ATXN10: variants seen among roughly 807,000 people sequenced by gnomAD.
ATXN10 encodes ataxin-10.
Under a neutral mutation model 52.9 loss-of-function variants are expected in ATXN10, and 28 were observed. That is an observed-to-expected ratio of 0.53 (90% CI 0.39 to 0.73). The LOEUF is 0.73. Among genes scored for constraint, ATXN10 ranks in the 30% least tolerant of loss-of-function variants. The pLI, the probability that ATXN10 is intolerant of heterozygous loss-of-function variation, is 0.00. For synonymous variants in ATXN10, 226 were observed against 221.5 expected (o/e 1.02, Z -0.18); for missense variants, 565 against 577.0 (o/e 0.98, Z 0.21).
intron 10 of ATXN10, among the ~76,000 whole-genome samples, chr22:45,831,710 T>A (rs2146910418): frequency 6.6e-6 from 1 of 152,364 alleles, no homozygotes; most frequent in East Asian, 1.9e-4. Context: ...AGCAATGCAA[T>A]TTGAACCTCA....
chr22:45,695,571 C>T (rs1414029503), intron 3 of ATXN10, among the ~76,000 whole-genome samples: 1 of 149,534 alleles, frequency 6.7e-6, no homozygotes, highest in African/African-American at 2.5e-5. Flanking sequence ...CTCGCTGCAA[C>T]CACCGCCTTC....
In ATXN10 at chr22:45,843,682, T is replaced by C; in HGVS notation, c.*11T>C. The C allele has an allele frequency of 6.2e-7, 1 of 1,611,332 alleles. No individual in the cohort carries two copies. The highest frequency in any genetic ancestry group is 2.2e-5 in the East Asian group (1 of 44,820). On this transcript the variant is annotated 3_prime_UTR_variant, in exon 12 of 12. Transcript: ENST00000252934. This position sits in a 1 kb window ranked among gnomAD's most constrained non-coding sequence, Gnocchi z 4.5. ...CTTCTTCTTTAGTGAATGAACTACA[T>C]CCAAATACCTGAATTTTTGGAATCT...
chr22:45,836,917 G>A (rs1929185524), intron 10 of ATXN10, among the ~76,000 whole-genome samples: 1 of 152,150 alleles, frequency 6.6e-6, no homozygotes, highest in Non-Finnish European at 1.5e-5. Flanking sequence ...GTAGAAGCCT[G>A]GGTGGAGGAG....
In ATXN10 at chr22:45,791,725, A is replaced by T. The variant is rs149601288; in HGVS notation, c.1174-15234A>T. On this transcript the variant is annotated intron_variant, in intron 9 of 11. Coordinates refer to ENST00000252934, the MANE Select transcript of ATXN10 (RefSeq NM_013236.4). ...GGAAGGGGATCTATTTTCATAAGTT[A>T]AAAAGGCCTTTAATTTCTTTACAGT... Among the ~76,000 whole-genome samples the T allele has an allele frequency of 1.0e-3, 154 of 152,306 alleles. 1 individual carries two copies. The highest frequency in any genetic ancestry group is 1.4e-3 in the Non-Finnish European group (98 of 68,018).
chr22:45,735,812 CTTTTTT>C (rs746222703), intron 7 of ATXN10, among the ~76,000 whole-genome samples: 1,444 of 65,926 alleles, frequency 0.022, 19 homozygotes, highest in African/African-American at 0.07. Flanking sequence ...ATTTGCTTGT[CTTTTTT>C]TTTTTTTTTT....
rs1004579466 is a variant in ATXN10, at chr22:45,825,190, G to A, written c.1238-17801G>A. Among the ~76,000 whole-genome samples, 15 of 152,180 alleles carry A rather than the reference G, an allele frequency of 9.9e-5. No homozygotes were observed. The highest frequency in any genetic ancestry group is 2.1e-4 in the Non-Finnish European group (14 of 68,036). On this transcript the variant is annotated intron_variant, in intron 10 of 11. Coordinates refer to ENST00000252934, the MANE Select transcript of ATXN10 (RefSeq NM_013236.4). The surrounding 1 kb of genome is among the most constrained non-coding windows in gnomAD (Gnocchi z 4.5). ...GCTCTGATTACTGATTTCAGCTTTT[G>A]ATCACAGAGGTACAGACAAAGGAGT...
At chr22:45,714,257 A>AT (rs528253635) in intron 5 of ATXN10, among the ~76,000 whole-genome samples, 28 of 150,824 alleles carry the variant, frequency 1.9e-4, no homozygotes, top group Non-Finnish European at 3.0e-4. Context: ...TTCTTTACCT[A>AT]TTTTTCTATT....
At chr22:45,735,757 C>CTT (rs200047186) in intron 7 of ATXN10, among the ~76,000 whole-genome samples, 22 of 121,032 alleles carry the variant, frequency 1.8e-4, no homozygotes, top group Admixed American at 3.5e-4. Flanking sequence ...GGAGACTAAT[C>CTT]TTTTTTTTTT....
At position 45,786,876 on chromosome 22, in the gene ATXN10, G is replaced by A. The variant is rs5765622; in HGVS notation, c.1174-20083G>A. 0.19 allele frequency among the ~76,000 whole-genome samples: 28,497 copies of A among 152,170 alleles called. 3,465 individuals carry two copies. Among genetic ancestry groups the A allele is most frequent in the East Asian group, 0.49 (2,546 of 5,170 alleles). On this transcript the variant is annotated intron_variant, in intron 9 of 11. Transcript: ENST00000252934. This position sits in a 1 kb window ranked among gnomAD's most constrained non-coding sequence, Gnocchi z 4.1. ...ACAGTATGTCTCAAAGACACTCAAAGATGGTTTTGTTTTGTTTTTGTCCAG... is the reference window on the plus strand; with the variant it reads ...ACAGTATGTCTCAAAGACACTCAAAAATGGTTTTGTTTTGTTTTTGTCCAG...
At chr22:45,711,016 C>A (rs547679957) in intron 5 of ATXN10, among the ~76,000 whole-genome samples, 143 of 152,268 alleles carry the variant, frequency 9.4e-4, no homozygotes, top group African/African-American at 3.4e-3. Context: ...ATACAGGCTT[C>A]TTCATTTTAC....
At chr22:45,720,451 C>G (rs1183943866) in intron 6 of ATXN10, among the ~76,000 whole-genome samples, 1 of 152,192 alleles carries the variant, frequency 6.6e-6, no homozygotes, top group Non-Finnish European at 1.5e-5. Context: ...ATCCTCCCAC[C>G]TCAGCCTCCC....
At chr22:45,803,112 TA>T (rs930471570) in intron 9 of ATXN10, among the ~76,000 whole-genome samples, 3 of 152,130 alleles carry the variant, frequency 2.0e-5, no homozygotes, top group Non-Finnish European at 4.4e-5. Context: ...TACTGTGTGC[TA>T]AACACACTCA....
At chr22:45,767,652 GAAATAC>G (rs1013667327) in intron 9 of ATXN10, among the ~76,000 whole-genome samples, 5 of 151,728 alleles carry the variant, frequency 3.3e-5, no homozygotes, top group Non-Finnish European at 2.9e-5. Flanking sequence ...AATTAAAAAG[GAAATAC>G]AAATACAATC....
chr22:45,698,761 A>C (rs934903596), intron 3 of ATXN10, among the ~76,000 whole-genome samples: 1 of 152,240 alleles, frequency 6.6e-6, no homozygotes, highest in Admixed American at 6.5e-5. Context: ...CAGCTAGTGA[A>C]ATGACCGAAT....
chr22:45,764,744 G>A (rs138203), intron 9 of ATXN10, among the ~76,000 whole-genome samples: 116,368 of 152,118 alleles, frequency 0.76, 44,627 homozygotes, highest in Middle Eastern at 0.84. Context: ...CGTAAACCAC[G>A]TGTATATTTA....
At position 45,823,159 on chromosome 22, in the gene ATXN10, C is replaced by T. The variant is rs1341963518; in HGVS notation, c.1237+16137C>T. On this transcript the variant is annotated intron_variant, in intron 10 of 11. Transcript: ENST00000252934. This position sits in a 1 kb window ranked among gnomAD's most constrained non-coding sequence, Gnocchi z 4.9. ...CCCAGATGGAAATACAGAACATGCC[C>T]ATCTCCCTAGGCGGCTTCTTGAGTG... is the stretch of plus-strand genomic sequence containing the variant. 6.4e-6 allele frequency: 3 copies of T among 471,656 alleles called. No homozygotes were observed. The highest frequency in any genetic ancestry group is 2.0e-5 in the African/African-American group (1 of 50,060). The allele number at this position is 471,656 out of a possible 1,614,324, so 29.2% of individuals were successfully genotyped here.
At chr22:45,768,115 C>A (rs1039354247) in intron 9 of ATXN10, among the ~76,000 whole-genome samples, 20 of 152,132 alleles carry the variant, frequency 1.3e-4, no homozygotes, top group African/African-American at 4.1e-4. Context: ...CCAGAAAGTG[C>A]CTATTTCCTA....
In ATXN10 at chr22:45,681,491, A is replaced by G. The variant is rs1336991453; in HGVS notation, c.117-8221A>G. 6.6e-6 allele frequency among the ~76,000 whole-genome samples: 1 copy of G among 152,076 alleles called. No homozygotes were observed. The highest frequency in any genetic ancestry group is 2.4e-5 in the African/African-American group (1 of 41,410). ...TTTTTCATTCCCCTTCTTAATGTTCACATTCCCATCTTGATCTGGCTTAGA... is the reference window on the plus strand; with the variant it reads ...TTTTTCATTCCCCTTCTTAATGTTCGCATTCCCATCTTGATCTGGCTTAGA... On this transcript the variant is annotated intron_variant, in intron 1 of 11. Transcript: ENST00000252934. This position sits in a 1 kb window ranked among gnomAD's most constrained non-coding sequence, Gnocchi z 4.2.
At chr22:45,811,946 C>T (rs1452484899) in intron 10 of ATXN10, among the ~76,000 whole-genome samples, 1 of 152,216 alleles carries the variant, frequency 6.6e-6, no homozygotes, top group African/African-American at 2.4e-5. Context: ...TCAGAATAAG[C>T]CTAGTCTATC....
Sources: allele counts gnomAD v4.1 joint callset (sites outside exome capture counted in the v4.1 genomes callset), GRCh38; gene constraint gnomAD v4.1.1; non-coding constraint Gnocchi (gnomAD v3.1); transcripts MANE v1.5; gene names NCBI Gene and HGNC (gene_info 2026-07-23, HGNC 2026-07-21).